ADAR: variants seen among roughly 807,000 people sequenced by gnomAD.
The protein encoded by ADAR is adenosine deaminase RNA specific, also known as double-stranded RNA-specific adenosine deaminase.
Under a neutral mutation model 113.2 loss-of-function variants are expected in ADAR, and 41 were observed. The observed-to-expected ratio is 0.36, with a 90% confidence interval of 0.28 to 0.47. The LOEUF is 0.47. Among genes scored for constraint, ADAR ranks in the 20% least tolerant of loss-of-function variants. The pLI is 1.00. For missense variants in ADAR, 1,242 were observed against 1,540.9 expected, an observed-to-expected ratio of 0.81 and a Z score of 3.25; for synonymous variants, 605 against 572.6, an observed-to-expected ratio of 1.06 and a Z score of -0.81.
chr1:154,604,585 C>T (rs1348952353), intron 1 of ADAR, among the ~76,000 whole-genome samples: 1 of 152,198 alleles, frequency 6.6e-6, no homozygotes, highest in Admixed American at 6.5e-5. Flanking sequence ...TGCCTTAGTT[C>T]ACTGTGGATT....
At chr1:154,591,049 T>C (rs985508667) in intron 6 of ADAR, among the ~76,000 whole-genome samples, 65 of 152,336 alleles carry the variant, frequency 4.3e-4, no homozygotes, top group Non-Finnish European at 3.2e-4. Context: ...TAGGAAACTT[T>C]GTTTCACTAC....
At chr1:154,613,816 A>G (rs1440994990) in intron 1 of ADAR, among the ~76,000 whole-genome samples, 1 of 151,728 alleles carries the variant, frequency 6.6e-6, no homozygotes, top group Non-Finnish European at 1.5e-5. Context: ...AGGCAGGAGA[A>G]TCACTTGAAC....
At chr1:154,594,991 T>A (rs1193371108) in intron 6 of ADAR, among the ~76,000 whole-genome samples, 1 of 152,194 alleles carries the variant, frequency 6.6e-6, no homozygotes, top group African/African-American at 2.4e-5. Context: ...CAATGATAAA[T>A]CACACATATG....
intron 14 of ADAR, 31 bp from the exon 15 acceptor site, chr1:154,585,074 T>C (rs1557863297): frequency 1.9e-6 from 3 of 1,612,580 alleles, no homozygotes; most frequent in Non-Finnish European, 2.5e-6. Context: ...ATTATTCACC[T>C]GGGACCTGTA....
chr1:154,600,479 C>CTTT, intron 2 of ADAR: 1 of 139,790 alleles, frequency 7.2e-6, no homozygotes, highest in South Asian at 1.9e-4. Context: ...TCATTTCTTT[C>CTTT]TTTTTTTTTT....
chr1:154,621,387 A>T (rs1331835140), intron 1 of ADAR, among the ~76,000 whole-genome samples: 1 of 152,174 alleles, frequency 6.6e-6, no homozygotes, highest in African/African-American at 2.4e-5. Flanking sequence ...AAGAATGAAA[A>T]ATAGATTTGT....
chr1:154,585,040 T>A lies in ADAR; in HGVS notation c.3447A>T (p.Pro1149=). 1 of 1,613,850 alleles carries A rather than the reference T, an allele frequency of 6.2e-7. No homozygotes were observed. Among genetic ancestry groups the A allele is most frequent in the Non-Finnish European group, 8.5e-7 (1 of 1,179,978 alleles). ...LDGTRGTVDG[P]RNELSRVSKK... is the part of the protein sequence containing the mutation. ...TGGAGACCCGGGACAATTCATTCCG[T>A]GGCCTAGAGAAACAAAAGCACTCAT... Residue 1149 remains proline, a synonymous_variant, in exon 15 of 15, where the codon CCA becomes CCT. Coordinates refer to ENST00000368474, the MANE Select transcript of ADAR (RefSeq NM_001111.5).
chr1:154,592,800 G>C (rs1697232715), intron 6 of ADAR, among the ~76,000 whole-genome samples: 2 of 151,846 alleles, frequency 1.3e-5, no homozygotes, highest in South Asian at 4.1e-4. Flanking sequence ...TAAGCAACTA[G>C]ATGGAGGAAT....
chr1:154,621,220 A>G (rs1394919184), intron 1 of ADAR, among the ~76,000 whole-genome samples: 1 of 152,184 alleles, frequency 6.6e-6, no homozygotes, highest in Non-Finnish European at 1.5e-5. Flanking sequence ...TTTTCATCAA[A>G]TATCTTATTA....
At chr1:154,607,797 A>C (rs1004093666) in intron 1 of ADAR, among the ~76,000 whole-genome samples, 195 bp downstream of exon 1, 14 of 151,600 alleles carry the variant, frequency 9.2e-5, no homozygotes, top group African/African-American at 3.2e-4. Flanking sequence ...GCTGCTTGGC[A>C]AGACGACACA....
Position 154,602,517 on chromosome 1 carries a change from T to C in ADAR, c.125A>G (p.Lys42Arg), listed in dbSNP as rs1200104409. The change falls in exon 2 of 15, where the codon AAG becomes AGG. Residue 42 changes from lysine (K) to arginine (R), a missense_variant. Physicochemically the swap from Lys to Arg is conservative, Grantham distance 26. This residue lies in a region of ADAR where 462 missense variants were observed against 483.1 expected (regional missense o/e 0.96). Transcript: ENST00000368474. Reference protein sequence around the residue: ...PGSSPSSFLLKQIEFLKGQLP... With the variant: ...PGSSPSSFLLRQIEFLKGQLP... ...CTGCCCCTTGAGAAATTCTATTTGC[T>C]TAAGCAGGAAACTACTGGGGGAAGA... 2 of 1,614,116 alleles carry C rather than the reference T, an allele frequency of 1.2e-6. No homozygotes were observed. Among genetic ancestry groups the C allele is most frequent in the African/African-American group, 2.7e-5 (2 of 74,942 alleles).
intron 1 of ADAR, among the ~76,000 whole-genome samples, chr1:154,607,515 G>A (rs1698271669): frequency 7.0e-6 from 1 of 142,902 alleles, no homozygotes; most frequent in African/African-American, 2.5e-5. Context: ...TTGTTCAAGT[G>A]GGGCTAAAGC....
At chr1:154,590,144 C>CT in intron 7 of ADAR, 40 bp downstream of exon 7, 1 of 1,100,464 alleles carries the variant, frequency 9.1e-7, no homozygotes, top group Non-Finnish European at 1.4e-6. Context: ...TAGGAGGACC[C>CT]CCCCGCCCCA....
intron 9 of ADAR, 93 bp downstream of exon 9, chr1:154,589,276 G>A (rs1696965788): frequency 6.2e-6 from 6 of 973,718 alleles, no homozygotes; most frequent in Non-Finnish European, 9.9e-6. Context: ...GTCTGTCTGA[G>A]GGGGATTCAG....
Position 154,583,420 on chromosome 1 carries a change from A to T in ADAR, c.*1386T>A, listed in dbSNP as rs1383737784. ...ACTATTCAAAGAATGCACAGGAGCC[A>T]GAGAGCCAGACTCCACAGAGAGGCC... On this transcript the variant is annotated 3_prime_UTR_variant, in exon 15 of 15. Coordinates refer to ENST00000368474, the MANE Select transcript of ADAR (RefSeq NM_001111.5). The T allele has an allele frequency of 1.3e-5, 2 of 152,240 alleles. No homozygotes were observed. The highest frequency in any genetic ancestry group is 2.9e-5 in the Non-Finnish European group (2 of 68,042). The allele number at this position is 152,240 out of a possible 1,614,324, so 9.4% of individuals were successfully genotyped here.
Position 154,602,139 on chromosome 1 carries a change from G to C in ADAR, c.503C>G (p.Pro168Arg). Reference protein sequence around the residue: ...AHDLSGKLGTPKKEINRVLYS... With the variant: ...AHDLSGKLGTRKKEINRVLYS... Reference sequence around the variant, plus strand: ...TAAAACTCGATTGATTTCTTTCTTCGGAGTCCCAAGTTTCCCAGACAGATC... The same window carrying C: ...TAAAACTCGATTGATTTCTTTCTTCCGAGTCCCAAGTTTCCCAGACAGATC... Residue 168 changes from proline (P) to arginine (R), a missense_variant, in exon 2 of 15, where the codon CCG becomes CGG. This residue lies in a region of ADAR where 462 missense variants were observed against 483.1 expected (regional missense o/e 0.96). Transcript: ENST00000368474. 1 of 1,614,110 alleles carries C rather than the reference G, an allele frequency of 6.2e-7. No individual in the cohort carries two copies. Among genetic ancestry groups the C allele is most frequent in the Non-Finnish European group, 8.5e-7 (1 of 1,180,032 alleles).
intron 1 of ADAR, 81 bp downstream of exon 1, chr1:154,607,911 C>A (rs1324746157): frequency 8.2e-6 from 13 of 1,593,604 alleles, no homozygotes; most frequent in Non-Finnish European, 8.6e-6. Flanking sequence ...AAGACGCACA[C>A]GCTACGCACT....
intron 6 of ADAR, among the ~76,000 whole-genome samples, chr1:154,592,593 G>A (rs762183269): frequency 6.6e-6 from 1 of 152,114 alleles, no homozygotes; most frequent in Non-Finnish European, 1.5e-5. Flanking sequence ...AGGACTTAAG[G>A]ATGAGTTGAC....
chr1:154,588,258 G>A lies in ADAR; in HGVS notation c.2886C>T (p.Ser962=). Residue 962 remains serine (S), a splice_region_variant and synonymous_variant, in exon 11 of 15, where the codon AGC becomes AGT. Coordinates refer to ENST00000368474, the MANE Select transcript of ADAR (RefSeq NM_001111.5). ...KKTVSFHLYI[S]TAPCGDGALF... ...GGGCGCCATCTCCACACGGAGCAGT[G>A]CTGAAAAACAGGGGTGGCTGTTAAA... is the stretch of plus-strand genomic sequence containing the variant. 7.4e-6 allele frequency: 12 copies of A among 1,614,188 alleles called. No homozygotes were observed. Among genetic ancestry groups the A allele is most frequent in the Non-Finnish European group, 1.0e-5 (12 of 1,180,046 alleles).
Sources: allele counts gnomAD v4.1 joint callset (sites outside exome capture counted in the v4.1 genomes callset), GRCh38; gene constraint gnomAD v4.1.1; regional missense constraint gnomAD v4.1.1; transcripts MANE v1.5; gene names NCBI Gene and HGNC (gene_info 2026-07-23, HGNC 2026-07-21).